Variants in SLC35G1 observed in about 807,000 individuals in gnomAD.
SLC35G1 encodes solute carrier family 35 member G1.
SLC35G1 carries 10 observed loss-of-function variants against 17.1 expected under a neutral mutation model. That is an observed-to-expected ratio of 0.59 (90% CI 0.36 to 0.99). The LOEUF is 0.99. SLC35G1 is among the 50% of genes least tolerant of loss of function. The pLI, the probability that SLC35G1 is intolerant of heterozygous loss-of-function variation, is 0.01. For missense variants in SLC35G1, 433 were observed against 468.4 expected (o/e 0.92, Z 0.70); for synonymous variants, 185 against 181.1 (o/e 1.02, Z -0.18).
At chr10:93,907,757 C>A (rs1589805759), downstream of SLC35G1, 1 of 151,852 alleles carries the variant, frequency 6.6e-6, no homozygotes, top group Non-Finnish European at 1.5e-5. Context: ...CCCTTTTACA[C>A]CTTTTGAATT....
chr10:93,898,888 A>G, intron 2 of SLC35G1, 137 bp downstream of exon 2: 1 of 810,840 alleles, frequency 1.2e-6, no homozygotes, highest in South Asian at 2.4e-5. Context: ...TGCTTAATGA[A>G]AAGTCATAAG....
Position 93,898,646 on chromosome 10 carries a change from G to A in SLC35G1, c.254G>A (p.Gly85Asp). The A allele has an allele frequency of 2.5e-6, 4 of 1,613,786 alleles. No individual in the cohort carries two copies. The highest frequency in any genetic ancestry group is 3.4e-6 in the Non-Finnish European group (4 of 1,179,890). ...TTGTCTGCCTTCCTTTTCTCAGTGG[G>A]CTCTTTATTTGTTAAAAAAGTGCAA... ...TLLSAFLFSV[G>D]SLFVKKVQDV... The change falls in exon 2 of 3, where the codon GGC (glycine) becomes GAC (aspartate). Residue 85 changes from glycine to aspartate, a missense_variant. Coordinates refer to ENST00000427197, the MANE Select transcript of SLC35G1 (RefSeq NM_001134658.3).
At chr10:93,906,620 C>G (rs1452966659), downstream of SLC35G1, among the ~76,000 whole-genome samples, 2 of 151,156 alleles carry the variant, frequency 1.3e-5, no homozygotes, top group Non-Finnish European at 3.0e-5. Flanking sequence ...TTACATAAAG[C>G]AAAACACCTC....
chr10:93,908,916 T>G (rs1056473565), exon 3 of SLC35G1: 5 of 152,304 alleles, frequency 3.3e-5, no homozygotes, highest in African/African-American at 1.2e-4. Context: ...CCAGACTGTT[T>G]CTACAGGTGC....
At chr10:93,899,985 C>T (rs2060367397) in intron 2 of SLC35G1, among the ~76,000 whole-genome samples, 4 of 152,096 alleles carry the variant, frequency 2.6e-5, no homozygotes, top group South Asian at 2.1e-4. Context: ...CCAAGATACC[C>T]GGGGTAGCCT....
chr10:93,900,995 G>C lies in SLC35G1; in HGVS notation c.603G>C (p.Val201=). The change falls in exon 3 of 3, where the codon GTG becomes GTC. Residue 201 remains valine, a synonymous_variant. Coordinates refer to ENST00000427197, the MANE Select transcript of SLC35G1 (RefSeq NM_001134658.3). ...CAATCACTGGAGTGATCCTTATCGTGAGACCACCATTTTTGTTTGGTTCCG... is the reference window on the plus strand; with the variant it reads ...CAATCACTGGAGTGATCCTTATCGTCAGACCACCATTTTTGTTTGGTTCCG... The part of the protein sequence containing the change: ...VFTITGVILI[V]RPPFLFGSDT... The C allele has an allele frequency of 6.2e-7, 1 of 1,614,016 alleles. No individual in the cohort carries two copies. The highest frequency in any genetic ancestry group is 8.5e-7 in the Non-Finnish European group (1 of 1,179,980).
chr10:93,894,713 A>G (rs1374112974), intron 1 of SLC35G1, among the ~76,000 whole-genome samples: 2 of 152,162 alleles, frequency 1.3e-5, no homozygotes, highest in African/African-American at 2.4e-5. Flanking sequence ...TGGGACCGCT[A>G]GTTTTTAACC....
rs2060412412 is a variant in SLC35G1, at chr10:93,903,785, G to A, written c.*2295G>A. Reference sequence around the variant, plus strand: ...GAAAAGGAAAATATTTTCATAAATTGTTTTTATAAGTACTAATAAAATAAT... The same window carrying A: ...GAAAAGGAAAATATTTTCATAAATTATTTTTATAAGTACTAATAAAATAAT... On this transcript the variant is annotated 3_prime_UTR_variant, in exon 3 of 3. Coordinates refer to ENST00000427197, the MANE Select transcript of SLC35G1 (RefSeq NM_001134658.3). The A allele has an allele frequency of 1.3e-5, 2 of 152,094 alleles. No homozygotes were observed. Among genetic ancestry groups the A allele is most frequent in the Admixed American group, 6.5e-5 (1 of 15,276 alleles). The allele number at this position is 152,094 out of a possible 1,614,324, so 9.4% of individuals were successfully genotyped here. A position where few individuals can be genotyped will look rare whatever the true frequency, so the allele number is the denominator to read the frequency against.
At chr10:93,905,521 T>C (rs1321754039), downstream of SLC35G1, among the ~76,000 whole-genome samples, 6 of 152,174 alleles carry the variant, frequency 3.9e-5, no homozygotes, top group Non-Finnish European at 7.3e-5. Flanking sequence ...AGTTTGGAGC[T>C]GGACCTGGGA....
In SLC35G1 at chr10:93,903,027, G is replaced by A. The variant is rs568410912; in HGVS notation, c.*1537G>A. 2 of 152,132 alleles carry A rather than the reference G, an allele frequency of 1.3e-5. No individual in the cohort carries two copies. Among genetic ancestry groups the A allele is most frequent in the Non-Finnish European group, 2.9e-5 (2 of 68,006 alleles). The allele number at this position is 152,132 out of a possible 1,614,324, so 9.4% of individuals were successfully genotyped here. ...TATCTTAAGCCTGCAGAGTTGAAAG[G>A]TTATAGGCTCTTTCCTACCCTCTCA... On this transcript the variant is annotated 3_prime_UTR_variant, in exon 3 of 3. Transcript: ENST00000427197.
At chr10:93,900,062 A>G (rs1035538985) in intron 2 of SLC35G1, among the ~76,000 whole-genome samples, 10 of 152,214 alleles carry the variant, frequency 6.6e-5, no homozygotes, top group Admixed American at 1.3e-4. Context: ...AGGAACCTAC[A>G]CAGAGTGGGT....
In SLC35G1 at chr10:93,902,086, A is replaced by C. The variant is rs1199988280; in HGVS notation, c.*596A>C. The C allele has an allele frequency of 6.6e-6, 1 of 152,634 alleles. No individual in the cohort carries two copies. The highest frequency in any genetic ancestry group is 2.4e-5 in the African/African-American group (1 of 41,450). 9.5% of individuals were successfully genotyped at this position (152,634 alleles called of 1,614,324 possible). The stretch of plus-strand genomic sequence containing the variant: ...ATTTTCAAGGATTTTATAAATGATT[A>C]TCATACTTGTAACTCATATTTGTGC... On this transcript the variant is annotated 3_prime_UTR_variant, in exon 3 of 3. Coordinates refer to ENST00000427197, the MANE Select transcript of SLC35G1 (RefSeq NM_001134658.3).
At chr10:93,895,552 A>G (rs1159903487) in intron 1 of SLC35G1, among the ~76,000 whole-genome samples, 1 of 152,228 alleles carries the variant, frequency 6.6e-6, no homozygotes, top group East Asian at 1.9e-4. Context: ...GAGTGTATCT[A>G]AGAATCTTGT....
downstream of SLC35G1, chr10:93,906,371 G>A (rs937608399): frequency 1.3e-5 from 2 of 152,250 alleles, no homozygotes; most frequent in African/African-American, 2.4e-5. Context: ...TAGCCAGCAT[G>A]AGCCTGCCAG....
At chr10:93,896,399 C>T (rs2060330255) in intron 1 of SLC35G1, among the ~76,000 whole-genome samples, 1 of 152,148 alleles carries the variant, frequency 6.6e-6, no homozygotes, top group Admixed American at 6.5e-5. Context: ...TTTCAGTTTT[C>T]TTCTAAGTGA....
At chr10:93,908,418 T>A (rs1564595754), downstream of SLC35G1, 1 of 152,216 alleles carries the variant, frequency 6.6e-6, no homozygotes, top group Non-Finnish European at 1.5e-5. Flanking sequence ...CCCTTTCCAA[T>A]ACTTCATGCT....
chr10:93,908,315 G>A (rs532106172), downstream of SLC35G1: 1 of 152,308 alleles, frequency 6.6e-6, no homozygotes, highest in East Asian at 1.9e-4. Flanking sequence ...GTTCAAAGAG[G>A]TTGAATGGGG....
chr10:93,898,459 G>A (rs2060352005), intron 1 of SLC35G1, 112 bp from the exon 2 acceptor site: 2 of 939,350 alleles, frequency 2.1e-6, no homozygotes, highest in Non-Finnish European at 1.6e-6. Context: ...ATGCTTAGGA[G>A]GTAATAAAGC....
At chr10:93,898,544 G>A (rs757693343) in intron 1 of SLC35G1, 27 bp from the exon 2 acceptor site, 17 of 1,587,926 alleles carry the variant, frequency 1.1e-5, no homozygotes, top group Non-Finnish European at 1.3e-5. Flanking sequence ...TGGAAGCAAG[G>A]ACTAACCAGA....
Sources: allele counts gnomAD v4.1 joint callset (sites outside exome capture counted in the v4.1 genomes callset), GRCh38; gene constraint gnomAD v4.1.1; transcripts MANE v1.5; gene names NCBI Gene and HGNC (gene_info 2026-07-23, HGNC 2026-07-21).